USP32: variants seen among roughly 807,000 people sequenced by gnomAD.
USP32 encodes ubiquitin carboxyl-terminal hydrolase 32.
In USP32, 59 loss-of-function variants were observed where a neutral mutation model predicts 204.8. The observed-to-expected ratio is 0.29, with a 90% CI of 0.23 to 0.36. The LOEUF is 0.36. Ranked by LOEUF, USP32 falls within the 10% of genes least tolerant of loss-of-function variation. The pLI is 1.00. For missense variants in USP32, 1,160 were observed against 1,946.4 expected (o/e 0.60, Z 7.60); for synonymous variants, 517 against 678.4 (o/e 0.76, Z 3.70).
chr17:60,287,884 C>T (rs1254740906), intron 5 of USP32, among the ~76,000 whole-genome samples: 2 of 151,864 alleles, frequency 1.3e-5, no homozygotes, highest in Admixed American at 6.6e-5. Context: ...GAGGCCGAGG[C>T]GTGTGGATCA....
rs572574114 is a variant in USP32, at chr17:60,391,313, GC to G, written c.58+568del. On this transcript the variant is annotated intron_variant, in intron 1 of 33. Transcript: ENST00000300896. ...TTTCAGATCGTTCTTATCAAAGTCA[GC>G]CGCTCAAACGGTGAAGGGTGGCAGA... 2.9e-4 allele frequency among the ~76,000 whole-genome samples: 44 copies of G among 152,274 alleles called. 1 individual carries two copies. Among genetic ancestry groups the G allele is most frequent in the Middle Eastern group, 3.4e-3 (1 of 294 alleles).
chr17:60,180,403 T>G (rs1338111394), intron 33 of USP32, 142 bp downstream of exon 33: 1 of 957,918 alleles, frequency 1.0e-6, no homozygotes, highest in Non-Finnish European at 1.5e-6. Context: ...TTTTGTTCCT[T>G]TAATACTGAC....
chr17:60,352,521 T>A (rs1283375220), intron 1 of USP32, among the ~76,000 whole-genome samples: 1 of 152,174 alleles, frequency 6.6e-6, no homozygotes, highest in African/African-American at 2.4e-5. Flanking sequence ...TTAATATACA[T>A]CCAAACTTAA....
intron 5 of USP32, among the ~76,000 whole-genome samples, chr17:60,281,079 C>T (rs2086955784): frequency 6.6e-6 from 1 of 152,216 alleles, no homozygotes; most frequent in South Asian, 2.1e-4. Context: ...AAAACACTGT[C>T]TTTCCACAAA....
chr17:60,357,868 A>AC (rs2089120686), intron 1 of USP32, among the ~76,000 whole-genome samples: 6 of 152,072 alleles, frequency 3.9e-5, no homozygotes, highest in Non-Finnish European at 2.9e-5. Flanking sequence ...TCCCAGGTTC[A>AC]AGCAGTTCTC....
chr17:60,412,409 G>T (rs1025821988), intron 1 of USP32, among the ~76,000 whole-genome samples: 2 of 151,922 alleles, frequency 1.3e-5, no homozygotes, highest in South Asian at 4.1e-4. Context: ...GGGGAATGGG[G>T]GCGGTGGGGC....
chr17:60,223,316 C>G, intron 14 of USP32, 95 bp downstream of exon 14: 1 of 972,496 alleles, frequency 1.0e-6, no homozygotes, highest in Non-Finnish European at 1.6e-6. Flanking sequence ...ATTAAATGAA[C>G]CATCAATGTT....
rs1221586338 is a variant in USP32 at position 60,203,616 on chromosome 17, G to A, written c.3249+1831C>T. Among the ~76,000 whole-genome samples, 6 of 151,282 alleles carry A rather than the reference G, an allele frequency of 4.0e-5. No homozygotes were observed. The East Asian group carries it at 7.9e-4, about 20-fold the overall frequency. Reference sequence around the variant, plus strand: ...TTTAAGACGGAGTTTTGCTCTTGTCGCCCAGGCTGGAGTGCAATGGCACGA... The same window carrying A: ...TTTAAGACGGAGTTTTGCTCTTGTCACCCAGGCTGGAGTGCAATGGCACGA... On this transcript the variant is annotated intron_variant, in intron 26 of 33. Coordinates refer to ENST00000300896, the MANE Select transcript of USP32 (RefSeq NM_032582.4).
intron 13 of USP32, among the ~76,000 whole-genome samples, 170 bp downstream of exon 13, chr17:60,225,869 G>A (rs1051867350): frequency 1.3e-5 from 2 of 151,466 alleles, no homozygotes; most frequent in South Asian, 2.1e-4. Context: ...CAGGACAATC[G>A]CTTGAACCCA....
chr17:60,186,483 C>T (rs1239482171), intron 29 of USP32, among the ~76,000 whole-genome samples: 1 of 152,232 alleles, frequency 6.6e-6, no homozygotes, highest in Non-Finnish European at 1.5e-5. Flanking sequence ...AACTCATTTG[C>T]ATCTGATTCC....
intron 1 of USP32, among the ~76,000 whole-genome samples, chr17:60,366,341 TAG>T (rs2089313022): frequency 6.6e-6 from 1 of 152,038 alleles, no homozygotes; most frequent in Non-Finnish European, 1.5e-5. Flanking sequence ...GTATTTTCAG[TAG>T]AGACGGGGTT....
At chr17:60,289,243 T>C (rs2087206339) in intron 4 of USP32, among the ~76,000 whole-genome samples, 2 of 152,104 alleles carry the variant, frequency 1.3e-5, no homozygotes, top group East Asian at 1.9e-4. Context: ...CTCCTGACCT[T>C]GTGATCTGCC....
At chr17:60,390,518 T>C (rs2089812871) in intron 1 of USP32, among the ~76,000 whole-genome samples, 1 of 152,124 alleles carries the variant, frequency 6.6e-6, no homozygotes, top group South Asian at 2.1e-4. Flanking sequence ...ATAAAAACAA[T>C]TATTATACTG....
At chr17:60,375,332 G>A (rs1234028280) in intron 1 of USP32, among the ~76,000 whole-genome samples, 2 of 152,080 alleles carry the variant, frequency 1.3e-5, no homozygotes, top group African/African-American at 4.8e-5. Flanking sequence ...AATAGTCTCA[G>A]CTTGCATGGT....
chr17:60,288,313 G>A (rs2087175000), intron 5 of USP32, among the ~76,000 whole-genome samples: 1 of 151,910 alleles, frequency 6.6e-6, no homozygotes. Flanking sequence ...GGTGGCGAGT[G>A]CCTGTAGTCC....
intron 11 of USP32, among the ~76,000 whole-genome samples, chr17:60,246,320 G>A (rs1002766581): frequency 6.6e-6 from 1 of 151,680 alleles, no homozygotes; most frequent in Non-Finnish European, 1.5e-5. Flanking sequence ...AATGACCTCC[G>A]GTTTTATCCA....
In USP32 at chr17:60,192,898, G is replaced by A. The variant is rs761395232; in HGVS notation, c.3467C>T (p.Thr1156Ile). The change falls in exon 28 of 34, where the codon ACT becomes ATT. Residue 1156 changes from threonine (T) to isoleucine (I), a missense_variant. By Grantham distance (89) the Thr-to-Ile change is moderately conservative. Coordinates refer to ENST00000300896, the MANE Select transcript of USP32 (RefSeq NM_032582.4). ...DDSMGYQYPF[T>I]LRVVQKDGNS... ...CCCATCTTTCTGCACAACTCGTAGA[G>A]TGAATGGATATTGATAGCCCATACT... 2 of 1,614,002 alleles carry A rather than the reference G, an allele frequency of 1.2e-6. No individual in the cohort carries two copies. The highest frequency in any genetic ancestry group is 1.7e-6 in the Non-Finnish European group (2 of 1,179,848).
intron 1 of USP32, among the ~76,000 whole-genome samples, chr17:60,350,330 C>T (rs2088920107): frequency 6.6e-6 from 1 of 152,064 alleles, no homozygotes; most frequent in Non-Finnish European, 1.5e-5. Flanking sequence ...GCTCTGTAGC[C>T]CAGGCTGGAG....
At chr17:60,318,704 A>C (rs959513157) in intron 2 of USP32, among the ~76,000 whole-genome samples, 1 of 152,234 alleles carries the variant, frequency 6.6e-6, no homozygotes, top group Non-Finnish European at 1.5e-5. Flanking sequence ...ACTTAAATGG[A>C]GTAGAACCAA....
Sources: allele counts gnomAD v4.1 joint callset (sites outside exome capture counted in the v4.1 genomes callset), GRCh38; gene constraint gnomAD v4.1.1; transcripts MANE v1.5; gene names NCBI Gene and HGNC (gene_info 2026-07-23, HGNC 2026-07-21).